PPP4R3B: variants seen among roughly 807,000 people sequenced by gnomAD.
PPP4R3B encodes the protein serine/threonine-protein phosphatase 4 regulatory subunit 3B.
Under a neutral mutation model 95.4 loss-of-function variants are expected in PPP4R3B, and 52 were observed. The observed-to-expected ratio is 0.54, with a 90% CI of 0.44 to 0.69. The LOEUF (loss-of-function observed/expected upper bound fraction) is 0.69. Among genes scored for constraint, PPP4R3B ranks in the 30% least tolerant of loss-of-function variants. The probability of loss-of-function intolerance (pLI) is 0.00; values close to 1 mark genes in which losing one functional copy is unlikely to be tolerated. For missense variants in PPP4R3B, 1,003 were observed against 1,005.9 expected (o/e 1.00, Z 0.04); for synonymous variants, 407 against 343.9 (o/e 1.18, Z -2.03).
intron 4 of PPP4R3B, among the ~76,000 whole-genome samples, chr2:55,597,501 A>G (rs1332292822): frequency 6.6e-6 from 1 of 152,204 alleles, no homozygotes; most frequent in African/African-American, 2.4e-5. Context: ...GGGCGCCTGT[A>G]GTCCCAGCTA....
At chr2:55,601,934 T>C (rs1344350086) in intron 3 of PPP4R3B, among the ~76,000 whole-genome samples, 1 of 152,138 alleles carries the variant, frequency 6.6e-6, no homozygotes, top group African/African-American at 2.4e-5. Flanking sequence ...ATTTGAATAA[T>C]TAAACTAAAC....
At chr2:55,610,616 T>C (rs181805393) in intron 2 of PPP4R3B, among the ~76,000 whole-genome samples, 113 of 152,348 alleles carry the variant, frequency 7.4e-4, no homozygotes, top group African/African-American at 2.5e-3. Context: ...TTATATTTTG[T>C]GTTGGCACAT....
In PPP4R3B at chr2:55,603,974, T is replaced by C; in HGVS notation, c.297+4A>G. 2 of 1,590,288 alleles carry C rather than the reference T, an allele frequency of 1.3e-6. No homozygotes were observed. The highest frequency in any genetic ancestry group is 1.7e-6 in the Non-Finnish European group (2 of 1,171,214). On this transcript the variant is annotated splice_donor_region_variant and intron_variant, in intron 3 of 16. Coordinates refer to ENST00000616407, the MANE Select transcript of PPP4R3B (RefSeq NM_001122964.3). Reference sequence around the variant, plus strand: ...TAAGTTAAATATTATAAAAAGAAACTTACCTGACAAATTTTTTCCCAGATC... The same window carrying C: ...TAAGTTAAATATTATAAAAAGAAACCTACCTGACAAATTTTTTCCCAGATC...
intron 2 of PPP4R3B, among the ~76,000 whole-genome samples, chr2:55,609,311 G>C (rs1004132313): frequency 4.6e-5 from 7 of 152,042 alleles, no homozygotes; most frequent in African/African-American, 1.7e-4. Flanking sequence ...TGGCATGCTA[G>C]GCCTTTTATG....
At chr2:55,597,182 T>C (rs916061709) in intron 4 of PPP4R3B, among the ~76,000 whole-genome samples, 2 of 152,034 alleles carry the variant, frequency 1.3e-5, no homozygotes, top group African/African-American at 2.4e-5. Flanking sequence ...CAATGAATTG[T>C]ACACTTAAAA....
intron 2 of PPP4R3B, among the ~76,000 whole-genome samples, chr2:55,604,795 GAC>G (rs3069140): frequency 7.3e-5 from 11 of 149,798 alleles, no homozygotes; most frequent in South Asian, 4.2e-4. Context: ...ATAAAACATA[GAC>G]ACACACACAC....
intron 7 of PPP4R3B, among the ~76,000 whole-genome samples, chr2:55,583,185 C>T (rs1360405100): frequency 6.6e-6 from 1 of 152,050 alleles, no homozygotes; most frequent in Non-Finnish European, 1.5e-5. Flanking sequence ...TGTTTCCTTC[C>T]TAAAGGTCAC....
At chr2:55,555,565 T>G (rs1428904884) in intron 16 of PPP4R3B, among the ~76,000 whole-genome samples, 1 of 152,078 alleles carries the variant, frequency 6.6e-6, no homozygotes, top group Non-Finnish European at 1.5e-5. Context: ...AATACAAAAA[T>G]TAGCCAGGCA....
At chr2:55,590,165 T>G (rs918919815) in intron 4 of PPP4R3B, among the ~76,000 whole-genome samples, 9 of 150,160 alleles carry the variant, frequency 6.0e-5, no homozygotes, top group Non-Finnish European at 8.9e-5. Context: ...CCGTCTCCAC[T>G]AAAAATACAA....
intron 2 of PPP4R3B, among the ~76,000 whole-genome samples, chr2:55,611,637 A>G (rs747783595): frequency 6.6e-6 from 1 of 152,250 alleles, no homozygotes; most frequent in Non-Finnish European, 1.5e-5. Context: ...TTTATGAAAG[A>G]AAAGATGTAT....
rs1415256194 is a variant in PPP4R3B at position 55,579,727 on chromosome 2, G to A, written c.1420C>T (p.Leu474Phe). ...GTATTGGTCAAAAGTGGTGCTGTGAGAACATGCATACAATGGTTGTAGAAA... is the reference window on the plus strand; with the variant it reads ...GTATTGGTCAAAAGTGGTGCTGTGAAAACATGCATACAATGGTTGTAGAAA... ...NFFYNHCMHV[L>F]TAPLLTNTSE... is the part of the protein sequence containing the mutation. The change falls in exon 9 of 17, where the codon CTC becomes TTC. Residue 474 changes from leucine to phenylalanine, a missense_variant. Transcript: ENST00000616407. 6.2e-7 allele frequency: 1 copy of A among 1,607,548 alleles called. No homozygotes were observed. Among genetic ancestry groups the A allele is most frequent in the Non-Finnish European group, 8.5e-7 (1 of 1,176,918 alleles).
Position 55,585,131 on chromosome 2 carries a change from C to T in PPP4R3B, c.1153G>A (p.Asp385Asn). 1.9e-6 allele frequency: 3 copies of T among 1,610,698 alleles called. No individual in the cohort carries two copies. The highest frequency in any genetic ancestry group is 2.5e-6 in the Non-Finnish European group (3 of 1,178,742). ...DDLQVRSAAT[D>N]IFSYLVEFSP... ...AATTCTACTAGATAAGAAAATATAT[C>T]TGTAGCAGCTGATCTGACTTGCAAA... Residue 385 changes from aspartate to asparagine, a missense_variant, in exon 7 of 17, where the codon GAT becomes AAT. This residue lies in a region of PPP4R3B where 695 missense variants were observed against 686.2 expected (regional missense o/e 1.01). Transcript: ENST00000616407.
rs375329477 is a variant in PPP4R3B, at chr2:55,586,572, T to C, written c.1116+46A>G. ...TTTCCCATCCATAACATAAGTGTAT[T>C]ACAAATTTACAATTTCAAAAACATG... is the stretch of plus-strand genomic sequence containing the variant. On this transcript the variant is annotated intron_variant, in intron 6 of 16. Transcript: ENST00000616407. The C allele has an allele frequency of 1.6e-4, 186 of 1,146,518 alleles. 1 individual carries two copies. The Middle Eastern group carries it at 2.4e-3, about 15-fold the overall frequency. 71.0% of individuals were successfully genotyped at this position (1,146,518 alleles called of 1,614,324 possible). A position where few individuals can be genotyped will look rare whatever the true frequency, so the allele number is the denominator to read the frequency against.
At chr2:55,571,368 A>C (rs1687976459) in intron 12 of PPP4R3B, among the ~76,000 whole-genome samples, 1 of 152,212 alleles carries the variant, frequency 6.6e-6, no homozygotes, top group Non-Finnish European at 1.5e-5. Context: ...AGTATTCTGC[A>C]GTCATCGAAA....
intron 5 of PPP4R3B, among the ~76,000 whole-genome samples, chr2:55,588,033 C>T (rs1045711799): frequency 6.6e-6 from 1 of 152,078 alleles, no homozygotes; most frequent in Non-Finnish European, 1.5e-5. Flanking sequence ...ACTTTCCCTT[C>T]TCATCTCATT....
intron 15 of PPP4R3B, among the ~76,000 whole-genome samples, chr2:55,563,893 T>G (rs1243361684): frequency 6.6e-6 from 1 of 152,210 alleles, no homozygotes; most frequent in East Asian, 1.9e-4. Flanking sequence ...ACTTTTGTAA[T>G]TTTAAAATTT....
intron 4 of PPP4R3B, among the ~76,000 whole-genome samples, chr2:55,595,622 G>A (rs1269334611): frequency 6.6e-6 from 1 of 151,448 alleles, no homozygotes; most frequent in Non-Finnish European, 1.5e-5. Context: ...AAAAAGAGTA[G>A]CCCCTTTTAC....
At chr2:55,604,293 A>T (rs1693079316) in intron 2 of PPP4R3B, among the ~76,000 whole-genome samples, 1 of 152,210 alleles carries the variant, frequency 6.6e-6, no homozygotes, top group South Asian at 2.1e-4. Flanking sequence ...AACAAAAAAT[A>T]TTAAAACAGG....
chr2:55,559,109 AGGC>A, intron 15 of PPP4R3B, 141 bp from the exon 16 acceptor site: 1 of 607,548 alleles, frequency 1.6e-6, no homozygotes, highest in Non-Finnish European at 2.7e-6. Context: ...ACACTTTGGG[AGGC>A]TGAGGCAGGC....
Sources: gnomAD v4.1 joint callset for allele counts (sites outside exome capture counted in the v4.1 genomes callset) on GRCh38, gnomAD v4.1.1 for gene constraint, gnomAD v4.1.1 regional missense constraint, MANE v1.5 for transcripts, NCBI Gene and HGNC (gene_info 2026-07-23, HGNC 2026-07-21) for gene names.